Variants in TMEM59L observed in about 807,000 individuals in gnomAD.
The protein encoded by TMEM59L is transmembrane protein 59 like.
A neutral mutation model predicts 39.6 loss-of-function variants in TMEM59L; 31 were observed. The ratio of observed to expected loss-of-function variants is 0.78; its 90% CI spans 0.59 to 1.06. The LOEUF (loss-of-function observed/expected upper bound fraction) is 1.06, where lower values mean the gene tolerates loss of function less well. TMEM59L is among the 50% of genes least tolerant of loss of function. The probability of loss-of-function intolerance (pLI) is 0.00; values close to 1 mark genes in which losing one functional copy is unlikely to be tolerated. For missense variants in TMEM59L, 441 were observed against 451.3 expected, an observed-to-expected ratio of 0.98 and a Z score of 0.21; for synonymous variants, 219 against 202.9, an observed-to-expected ratio of 1.08 and a Z score of -0.68.
chr19:18,617,912 G>A (rs1457562523), intron 5 of TMEM59L: 1 of 567,960 alleles, frequency 1.8e-6, no homozygotes, highest in African/African-American at 1.9e-5. Context: ...TATCTCTCAG[G>A]GTTCCATGGT....
chr19:18,619,972 A>ATC (rs1491395836), intron 7 of TMEM59L, among the ~76,000 whole-genome samples: 6 of 80,108 alleles, frequency 7.5e-5, no homozygotes, highest in African/African-American at 2.9e-4. Flanking sequence ...AGAAGACCCC[A>ATC]TCACACACAC....
At chr19:18,613,475 C>T (rs909247633) in intron 1 of TMEM59L, among the ~76,000 whole-genome samples, 1 of 151,846 alleles carries the variant, frequency 6.6e-6, no homozygotes, top group Non-Finnish European at 1.5e-5. Flanking sequence ...GTGTTCCCTC[C>T]CCACTCAGAG....
chr19:18,614,448 C>T (rs1429844341), intron 3 of TMEM59L, among the ~76,000 whole-genome samples: 1 of 152,212 alleles, frequency 6.6e-6, no homozygotes, highest in Non-Finnish European at 1.5e-5. Context: ...TGTCCTGGTT[C>T]GGGCCTGACT....
In TMEM59L at chr19:18,620,544, C is replaced by T. The variant is rs2145352941; in HGVS notation, c.*8C>T. On this transcript the variant is annotated 3_prime_UTR_variant, in exon 8 of 8. Coordinates refer to ENST00000262817, the MANE Select transcript of TMEM59L (RefSeq NM_012109.3). ...GACCTGACCAAGCTGTAGGCCTCCA[C>T]TGGCCCCATCACTGCCAACTGCAGG... The T allele has an allele frequency of 6.2e-7, 1 of 1,612,716 alleles. No homozygotes were observed. Among genetic ancestry groups the T allele is most frequent in the South Asian group, 1.1e-5 (1 of 91,032 alleles).
At chr19:18,619,977 A>T (rs1298065262) in intron 7 of TMEM59L, among the ~76,000 whole-genome samples, 5 of 64,316 alleles carry the variant, frequency 7.8e-5, no homozygotes, top group African/African-American at 2.1e-4. Flanking sequence ...ACCCCATCAC[A>T]CACACACACA....
intron 7 of TMEM59L, 92 bp downstream of exon 7, chr19:18,618,584 A>G: frequency 1.7e-6 from 2 of 1,174,996 alleles, no homozygotes; most frequent in Non-Finnish European, 2.4e-6. Context: ...ACCTGCTCCC[A>G]TGGAGGCCAG....
Position 18,613,907 on chromosome 19 carries a change from CAG to C in TMEM59L, c.210_211del (p.Arg70SerfsTer32). ...LEGASESPYD[R>X]AVLISACERG... is the part of the protein sequence containing the mutation. ...AGGGCGCCTCCGAGTCTCCCTATGACAGAGCCGTTCTGATCAGCGCTTGCGAG... is the reference window on the plus strand; with the variant it reads ...AGGGCGCCTCCGAGTCTCCCTATGACAGCCGTTCTGATCAGCGCTTGCGAG... On this transcript the variant is annotated frameshift_variant, in exon 2 of 8. Coordinates refer to ENST00000262817, the MANE Select transcript of TMEM59L (RefSeq NM_012109.3). LOFTEE classifies it high-confidence loss of function. 1 of 1,612,908 alleles carries C rather than the reference CAG, an allele frequency of 6.2e-7. No individual in the cohort carries two copies. Among genetic ancestry groups the C allele is most frequent in the Non-Finnish European group, 8.5e-7 (1 of 1,179,994 alleles).
chr19:18,620,264 T>C, intron 7 of TMEM59L, 144 bp from the exon 8 acceptor site: 1 of 734,416 alleles, frequency 1.4e-6, no homozygotes, highest in South Asian at 2.2e-5. Context: ...ATGGCGCCAC[T>C]GCACTCCAGC....
chr19:18,618,994 CTA>C, intron 7 of TMEM59L, among the ~76,000 whole-genome samples: 1 of 151,476 alleles, frequency 6.6e-6, no homozygotes, highest in Non-Finnish European at 1.5e-5. Context: ...CGCGCCCGGC[CTA>C]TATATATATT....
Position 18,612,885 on chromosome 19 carries a change from C to G in TMEM59L, c.-74C>G. ...CTCGGGTGACGTCAGCGCCCCGGTC[C>G]CCGCCGCAGCCGCTGCATCCTCCGT... On this transcript the variant is annotated 5_prime_UTR_variant, in exon 1 of 8. Coordinates refer to ENST00000262817, the MANE Select transcript of TMEM59L (RefSeq NM_012109.3). This position sits in a 1 kb window ranked among gnomAD's most constrained non-coding sequence, Gnocchi z 6.2. The G allele has an allele frequency of 8.2e-7, 1 of 1,217,844 alleles. No individual in the cohort carries two copies. 75.4% of individuals were successfully genotyped at this position (1,217,844 alleles called of 1,614,324 possible). A position where few individuals can be genotyped will look rare whatever the true frequency, so the allele number is the denominator to read the frequency against.
At position 18,616,030 on chromosome 19, in the gene TMEM59L, C is replaced by T. The variant is rs1343252516; in HGVS notation, c.464C>T (p.Thr155Ile). ...CTCTCCCTCTTGGACTTGTTTTCCA[C>T]CCTCTGCAATGACCTTGTCAACTCA... ...GALSLLDLFS[T>I]LCNDLVNSAQ... Residue 155 changes from threonine (T) to isoleucine (I), a missense_variant, in exon 4 of 8, where the codon ACC (threonine) becomes ATC (isoleucine). Physicochemically the swap from Thr to Ile is moderately conservative, Grantham distance 89. Coordinates refer to ENST00000262817, the MANE Select transcript of TMEM59L (RefSeq NM_012109.3). 3.7e-6 allele frequency: 6 copies of T among 1,614,020 alleles called. No homozygotes were observed. The highest frequency in any genetic ancestry group is 5.1e-6 in the Non-Finnish European group (6 of 1,180,026).
chr19:18,620,975 G>GC lies in TMEM59L; in HGVS notation c.*443dup, dbSNP rs1976492054. The stretch of plus-strand genomic sequence containing the variant: ...AGAGACAGGGTGTGGGCATCTCCAT[G>GC]CCCCTATAAAGCGTGCCTGGGGCTT... On this transcript the variant is annotated 3_prime_UTR_variant, in exon 8 of 8. Coordinates refer to ENST00000262817, the MANE Select transcript of TMEM59L (RefSeq NM_012109.3). The GC allele has an allele frequency of 6.3e-6, 1 of 159,016 alleles. No individual in the cohort carries two copies. The highest frequency in any genetic ancestry group is 1.4e-5 in the Non-Finnish European group (1 of 72,174). 9.9% of individuals were successfully genotyped at this position (159,016 alleles called of 1,614,324 possible).
At position 18,616,116 on chromosome 19, in the gene TMEM59L, G is replaced by A; in HGVS notation, c.550G>A (p.Val184Met). 1 of 1,614,010 alleles carries A rather than the reference G, an allele frequency of 6.2e-7. No homozygotes were observed. Among genetic ancestry groups the A allele is most frequent in the Non-Finnish European group, 8.5e-7 (1 of 1,179,942 alleles). Residue 184 changes from valine to methionine, a missense_variant, in exon 4 of 8, where the codon GTG becomes ATG. Transcript: ENST00000262817. ...YYLQTDNGKVVVFQTQPIVES... is the reference protein window; with the variant it reads ...YYLQTDNGKVMVFQTQPIVES... ...CTTGCAGACTGACAATGGGAAAGTG[G>A]TGGTGTTTCAGGTGAGACCTCTGAC...
Position 18,620,629 on chromosome 19 carries a change from C to A in TMEM59L, c.*93C>A, listed in dbSNP as rs7258375. On this transcript the variant is annotated 3_prime_UTR_variant, in exon 8 of 8. Transcript: ENST00000262817. ...AGTCCAAGGGCAGGGTGGGTCCAGC[C>A]TTGAGCCCCTCCACCCCCAAATCCT... is the stretch of plus-strand genomic sequence containing the variant. 3 of 1,473,000 alleles carry A rather than the reference C, an allele frequency of 2.0e-6. No individual in the cohort carries two copies. Among genetic ancestry groups the A allele is most frequent in the Middle Eastern group, 2.2e-4 (1 of 4,458 alleles). The allele number at this position is 1,473,000 out of a possible 1,614,324, so 91.2% of individuals were successfully genotyped here.
chr19:18,618,499 G>A lies in TMEM59L; in HGVS notation c.900+7G>A. On this transcript the variant is annotated splice_region_variant and intron_variant, in intron 7 of 7. Transcript: ENST00000262817. Reference sequence around the variant, plus strand: ...CCAGCACCTCAAGTTCCAGGTGGGTGGGATCTGTGAATGGCGCTGGGCCGA... The same window carrying A: ...CCAGCACCTCAAGTTCCAGGTGGGTAGGATCTGTGAATGGCGCTGGGCCGA... 1.9e-6 allele frequency: 3 copies of A among 1,599,518 alleles called. No homozygotes were observed. Among genetic ancestry groups the A allele is most frequent in the Middle Eastern group, 2.2e-4 (1 of 4,650 alleles).
At position 18,620,840 on chromosome 19, in the gene TMEM59L, T is replaced by G; in HGVS notation, c.*304T>G. The stretch of plus-strand genomic sequence containing the variant: ...CCCCAGTCCTGTGTCACCTTCCTTT[T>G]TCCTTCTATGTCCCCTCTCTGCGGG... On this transcript the variant is annotated 3_prime_UTR_variant, in exon 8 of 8. Coordinates refer to ENST00000262817, the MANE Select transcript of TMEM59L (RefSeq NM_012109.3). The G allele has an allele frequency of 3.4e-5, 7 of 206,394 alleles. No homozygotes were observed. Among genetic ancestry groups the G allele is most frequent in the South Asian group, 1.1e-4 (1 of 8,880 alleles). 12.8% of individuals were successfully genotyped at this position (206,394 alleles called of 1,614,324 possible).
intron 5 of TMEM59L, chr19:18,617,891 G>T: frequency 1.9e-6 from 1 of 533,842 alleles, no homozygotes; most frequent in Non-Finnish European, 3.4e-6. Context: ...ATCTCCTAGA[G>T]TTCTTTGGTC....
At chr19:18,620,188 G>T (rs184282880) in intron 7 of TMEM59L, among the ~76,000 whole-genome samples, 1 of 152,006 alleles carries the variant, frequency 6.6e-6, no homozygotes, top group Non-Finnish European at 1.5e-5. Context: ...TGTAGTCCCA[G>T]CTACTTGGGA....
intron 3 of TMEM59L, 63 bp downstream of exon 3, chr19:18,614,258 G>A: frequency 6.6e-7 from 1 of 1,514,128 alleles, no homozygotes; most frequent in Non-Finnish European, 8.9e-7. Context: ...TCACCCCGTG[G>A]GAAATCTTCA....
Sources: gnomAD v4.1 joint callset for allele counts (sites outside exome capture counted in the v4.1 genomes callset) on GRCh38, gnomAD v4.1.1 for gene constraint, Gnocchi (gnomAD v3.1) non-coding constraint, MANE v1.5 for transcripts, NCBI Gene and HGNC (gene_info 2026-07-23, HGNC 2026-07-21) for gene names.